Variants in TIAM1 observed in about 807,000 individuals in gnomAD.
TIAM1 encodes TIAM Rac1 associated GEF 1.
Under a neutral mutation model 163.5 loss-of-function variants are expected in TIAM1, and 65 were observed. That is an observed-to-expected ratio of 0.40 (90% confidence interval 0.33 to 0.49). The LOEUF is 0.49. Among genes scored for constraint, TIAM1 ranks in the 20% least tolerant of loss-of-function variants. TIAM1 has a pLI of 0.77. For synonymous variants in TIAM1, 833 were observed against 810.1 expected (o/e 1.03, Z -0.48); for missense variants, 1,789 against 2,044.7 (o/e 0.87, Z 2.41).
rs141187773 is a variant in TIAM1 at position 31,411,552 on chromosome 21, T to A, written c.-369+52431A>T. Among the ~76,000 whole-genome samples, 3 of 149,446 alleles carry A rather than the reference T, an allele frequency of 2.0e-5. No homozygotes were observed. In the East Asian group the frequency reaches 6.0e-4, roughly 30 times the overall value. On this transcript the variant is annotated intron_variant, in intron 2 of 28. Transcript: ENST00000286827. Reference sequence around the variant, plus strand: ...GTGCAATGGCGCCATCTCGGCTCACTGCAACCTCTGCCTCCCAGGTTCAAG... The same window carrying A: ...GTGCAATGGCGCCATCTCGGCTCACAGCAACCTCTGCCTCCCAGGTTCAAG...
intron 3 of TIAM1, among the ~76,000 whole-genome samples, chr21:31,270,637 T>G (rs779001756): frequency 6.6e-6 from 1 of 152,224 alleles, no homozygotes; most frequent in East Asian, 1.9e-4. Context: ...GTCCAACCCA[T>G]AGCCCACAGG....
intron 20 of TIAM1, among the ~76,000 whole-genome samples, chr21:31,145,604 A>G (rs2083071946): frequency 6.6e-6 from 1 of 152,234 alleles, no homozygotes; most frequent in African/African-American, 2.4e-5. Context: ...TTCTCAGAGC[A>G]CTTAAGGAAA....
intron 22 of TIAM1, 42 bp from the exon 23 acceptor site, chr21:31,136,083 T>G: frequency 6.6e-7 from 1 of 1,509,216 alleles, no homozygotes; most frequent in Non-Finnish European, 9.1e-7. Flanking sequence ...GGTGGTGTTA[T>G]CAATACTCAG....
chr21:31,300,730 G>C (rs926631914), intron 2 of TIAM1, among the ~76,000 whole-genome samples: 7 of 152,142 alleles, frequency 4.6e-5, no homozygotes, highest in Admixed American at 4.6e-4. Context: ...GACTAAAGAT[G>C]AAAAGAAGCA....
chr21:31,426,402 T>C (rs750398296), intron 2 of TIAM1, among the ~76,000 whole-genome samples: 2 of 152,170 alleles, frequency 1.3e-5, no homozygotes, highest in South Asian at 2.1e-4. Flanking sequence ...TCACTTTAGG[T>C]TGAGTTAGAA....
rs571577599 is a variant in TIAM1, at chr21:31,414,486, A to T, written c.-369+49497T>A. On this transcript the variant is annotated intron_variant, in intron 2 of 28. Transcript: ENST00000286827. ...GGCTAATTCCAGGGGCCAGTGGCAG[A>T]TGGAGGTGGGAGCAACGGCCCCTTT... Among the ~76,000 whole-genome samples the T allele has an allele frequency of 2.6e-5, 4 of 152,218 alleles. No individual in the cohort carries two copies. In the South Asian group the frequency reaches 8.3e-4, roughly 32 times the overall value.
At position 31,267,013 on chromosome 21, in the gene TIAM1, T is replaced by C. The variant is rs762039659; in HGVS notation, c.-11-30A>G. On this transcript the variant is annotated intron_variant, in intron 3 of 27. Coordinates refer to ENST00000541036, the MANE Select transcript of TIAM1 (RefSeq NM_001353694.2). The stretch of plus-strand genomic sequence containing the variant: ...AGCAAAGCGGGGGGAAAGGGGAGAA[T>C]TGAGTCACTATTAGTACAGGTATAG... 8 of 1,563,510 alleles carry C rather than the reference T, an allele frequency of 5.1e-6. No homozygotes were observed. The African/African-American group carries it at 5.4e-5, about 11-fold the overall frequency.
chr21:31,196,974 C>T (rs908177628), intron 12 of TIAM1, among the ~76,000 whole-genome samples: 9 of 152,122 alleles, frequency 5.9e-5, no homozygotes, highest in Non-Finnish European at 1.0e-4. Context: ...CATTATCCTA[C>T]GTGAATTAAC....
chr21:31,155,140 G>A (rs1005176954), intron 16 of TIAM1, among the ~76,000 whole-genome samples: 2 of 152,226 alleles, frequency 1.3e-5, no homozygotes, highest in Non-Finnish European at 2.9e-5. Context: ...GATGAATCAG[G>A]TGTAGACCAT....
At chr21:31,212,717 A>G (rs1601573404) in intron 10 of TIAM1, 2 of 144,230 alleles carry the variant, frequency 1.4e-5, no homozygotes, top group African/African-American at 5.2e-5. Context: ...GGTTCACGCC[A>G]TTCTGCTGCC....
At chr21:31,394,726 TCTCACACACACACACA>T (rs1328481390) in intron 2 of TIAM1, among the ~76,000 whole-genome samples, 18 of 81,660 alleles carry the variant, frequency 2.2e-4, no homozygotes, top group African/African-American at 7.2e-4. Flanking sequence ...TCTCTCTCTC[TCTCACACACACACACA>T]CACACACACA....
At chr21:31,335,287 A>G (rs1473239381) in intron 2 of TIAM1, among the ~76,000 whole-genome samples, 2 of 152,126 alleles carry the variant, frequency 1.3e-5, no homozygotes, top group Non-Finnish European at 1.5e-5. Context: ...AGTTTTTAAA[A>G]TATTACCTCA....
At chr21:31,298,054 G>A (rs989704624) in intron 2 of TIAM1, among the ~76,000 whole-genome samples, 1 of 152,142 alleles carries the variant, frequency 6.6e-6, no homozygotes, top group Non-Finnish European at 1.5e-5. Flanking sequence ...ACCTGGGTGG[G>A]GGAGGGCACA....
intron 11 of TIAM1, among the ~76,000 whole-genome samples, chr21:31,204,208 T>C (rs1404766492): frequency 6.6e-6 from 1 of 152,208 alleles, no homozygotes; most frequent in African/African-American, 2.4e-5. Context: ...TTAAGCATCC[T>C]TATCTTTTAG....
At chr21:31,398,569 T>C (rs964772875) in intron 2 of TIAM1, among the ~76,000 whole-genome samples, 7 of 152,226 alleles carry the variant, frequency 4.6e-5, no homozygotes, top group Non-Finnish European at 8.8e-5. Flanking sequence ...GGATGTGCTA[T>C]CACTGCAAAA....
At chr21:31,465,155 G>A (rs567658550) in intron 1 of TIAM1, among the ~76,000 whole-genome samples, 35 of 150,826 alleles carry the variant, frequency 2.3e-4, no homozygotes, top group Non-Finnish European at 4.1e-4. Context: ...CGGTGATTGC[G>A]TGATTGCACC....
chr21:31,421,423 G>A (rs1400480412), intron 2 of TIAM1, among the ~76,000 whole-genome samples: 1 of 152,230 alleles, frequency 6.6e-6, no homozygotes, highest in Admixed American at 6.5e-5. Context: ...CACACAGCAG[G>A]AGGTGGGCAG....
Position 31,120,609 on chromosome 21 carries a change from C to G in TIAM1, c.4535G>C (p.Cys1512Ser). The change falls in exon 28 of 28, where the codon TGT becomes TCT. Residue 1512 changes from cysteine (C) to serine (S), a missense_variant. Transcript: ENST00000541036. The surrounding 1 kb of genome is among the most constrained non-coding windows in gnomAD (Gnocchi z 4.2). Reference protein sequence around the residue: ...TDILSDDDEFCESVKGASVDR... With the variant: ...TDILSDDDEFSESVKGASVDR... ...CACTGAGGCACCCTTCACGGACTCA[C>G]AGAACTCATCATCGTCACTGAGGAT... 6.2e-7 allele frequency: 1 copy of G among 1,614,190 alleles called. No homozygotes were observed. Among genetic ancestry groups the G allele is most frequent in the Non-Finnish European group, 8.5e-7 (1 of 1,180,046 alleles).
At chr21:31,213,866 C>CAAAAAAAAAAAAAA (rs35524539) in intron 9 of TIAM1, among the ~76,000 whole-genome samples, 18 of 54,844 alleles carry the variant, frequency 3.3e-4, no homozygotes, top group African/African-American at 1.1e-3. Flanking sequence ...CTCATCTCTA[C>CAAAAAAAAAAAAAA]AAAAAAAAAA....
Sources: gnomAD v4.1 joint callset for allele counts (sites outside exome capture counted in the v4.1 genomes callset) on GRCh38, gnomAD v4.1.1 for gene constraint, Gnocchi (gnomAD v3.1) non-coding constraint, MANE v1.5 for transcripts, NCBI Gene and HGNC (gene_info 2026-07-23, HGNC 2026-07-21) for gene names.